The following GLI3 variants were observed in gnomAD, a reference collection of about 807,000 sequenced individuals.
GLI3 encodes the protein GLI family zinc finger 3.
In GLI3, 20 loss-of-function variants were observed where a neutral mutation model predicts 100.8. The ratio of observed to expected loss-of-function variants is 0.20; its 90% CI spans 0.14 to 0.29. The LOEUF (loss-of-function observed/expected upper bound fraction) is 0.29. GLI3 is among the 10% of genes least tolerant of loss of function. GLI3 has a pLI of 1.00. For missense variants in GLI3, 2,040 were observed against 2,128.5 expected (o/e 0.96, Z 0.82); for synonymous variants, 938 against 860.5 (o/e 1.09, Z -1.58).
chr7:41,966,129 C>G lies in GLI3; in HGVS notation c.2944G>C (p.Gly982Arg), dbSNP rs751382968. The change falls in exon 15 of 15, where the codon GGG becomes CGG. Residue 982 changes from glycine (G) to arginine (R), a missense_variant. Transcript: ENST00000395925. This position sits in a 1 kb window ranked among gnomAD's most constrained non-coding sequence, Gnocchi z 5.8. ...PVHAPRRCSDGGAHGYGRRHL... is the reference protein window; with the variant it reads ...PVHAPRRCSDRGAHGYGRRHL... Reference sequence around the variant, plus strand: ...CGCCGCCCGTAGCCGTGGGCTCCCCCGTCGCTGCACCTCCTCGGGGCATGA... The same window carrying G: ...CGCCGCCCGTAGCCGTGGGCTCCCCGGTCGCTGCACCTCCTCGGGGCATGA... 2.5e-6 allele frequency: 4 copies of G among 1,585,276 alleles called. No individual in the cohort carries two copies. Among genetic ancestry groups the G allele is most frequent in the Admixed American group, 1.7e-5 (1 of 57,766 alleles).
At chr7:42,250,877 A>G (rs1295798086) in intron 1 of GLI3, among the ~76,000 whole-genome samples, 1 of 152,154 alleles carries the variant, frequency 6.6e-6, no homozygotes, top group Non-Finnish European at 1.5e-5. Context: ...CTAAATACAC[A>G]TTAGAAAAGT....
intron 2 of GLI3, among the ~76,000 whole-genome samples, chr7:42,163,529 A>T (rs1173025283): frequency 1.3e-5 from 2 of 151,846 alleles, no homozygotes; most frequent in Non-Finnish European, 2.9e-5. Context: ...CCTGGGTTCA[A>T]GCGATTCTCC....
chr7:41,994,273 G>C (rs1381762321), intron 10 of GLI3, among the ~76,000 whole-genome samples: 1 of 152,182 alleles, frequency 6.6e-6, no homozygotes, highest in African/African-American at 2.4e-5. Flanking sequence ...TTTGCACAGA[G>C]ATTTCTTCCC....
At chr7:41,999,262 C>A (rs1788220215) in intron 10 of GLI3, among the ~76,000 whole-genome samples, 1 of 152,132 alleles carries the variant, frequency 6.6e-6, no homozygotes. Flanking sequence ...TCACTGTATG[C>A]ACAACAGCAG....
chr7:42,045,752 A>G (rs968634601), intron 5 of GLI3, among the ~76,000 whole-genome samples: 14 of 152,336 alleles, frequency 9.2e-5, no homozygotes, highest in Admixed American at 6.5e-5. Flanking sequence ...GAAATGCATT[A>G]CTAAGTTTTT....
intron 10 of GLI3, among the ~76,000 whole-genome samples, chr7:42,006,443 A>T (rs1364357756): frequency 4.6e-5 from 7 of 152,214 alleles, no homozygotes; most frequent in Admixed American, 4.6e-4. Flanking sequence ...ATTCTCTATG[A>T]AACCTGCCCT....
chr7:42,260,887 G>C (rs1789130752), intron 1 of GLI3, among the ~76,000 whole-genome samples: 1 of 152,034 alleles, frequency 6.6e-6, no homozygotes, highest in African/African-American at 2.4e-5. Context: ...TTTGGCTTGA[G>C]AAACTGGGTA....
chr7:41,970,875 G>T (rs990606858), intron 13 of GLI3, among the ~76,000 whole-genome samples: 1 of 152,138 alleles, frequency 6.6e-6, no homozygotes, highest in Non-Finnish European at 1.5e-5. Flanking sequence ...ATACAGGTAG[G>T]CTTTATTTTA....
At chr7:42,162,965 C>CTTTTTT (rs58993499) in intron 2 of GLI3, among the ~76,000 whole-genome samples, 2 of 95,576 alleles carry the variant, frequency 2.1e-5, no homozygotes, top group Non-Finnish European at 3.9e-5. Context: ...GAATAAACAC[C>CTTTTTT]TTTTTTTTTT....
At chr7:42,232,367 G>A (rs972521265) in intron 1 of GLI3, among the ~76,000 whole-genome samples, 7 of 152,182 alleles carry the variant, frequency 4.6e-5, no homozygotes, top group South Asian at 2.1e-4. Flanking sequence ...CCAGTCAAGC[G>A]GAAATCAGAG....
intron 10 of GLI3, among the ~76,000 whole-genome samples, chr7:41,997,116 T>A (rs1788146975): frequency 6.6e-6 from 1 of 152,172 alleles, no homozygotes; most frequent in Non-Finnish European, 1.5e-5. Flanking sequence ...CAGGGCTATA[T>A]AAAATATATT....
At chr7:42,108,328 G>A (rs1007384730) in intron 3 of GLI3, among the ~76,000 whole-genome samples, 1 of 152,144 alleles carries the variant, frequency 6.6e-6, no homozygotes, top group Non-Finnish European at 1.5e-5. Context: ...AAAATGATAT[G>A]TTATGCCTCC....
chr7:42,217,379 G>A (rs971423281), intron 2 of GLI3, among the ~76,000 whole-genome samples: 13 of 152,100 alleles, frequency 8.5e-5, no homozygotes, highest in Admixed American at 3.3e-4. Flanking sequence ...CAAGAGAGTC[G>A]GGGCTCTTAT....
upstream of GLI3, among the ~76,000 whole-genome samples, chr7:42,237,531 C>T (rs966626129): frequency 1.3e-5 from 2 of 151,984 alleles, no homozygotes; most frequent in Non-Finnish European, 2.9e-5. Flanking sequence ...GCTCCGCGCT[C>T]CCCTCCCGCG....
chr7:42,115,133 C>CT (rs56200386), intron 3 of GLI3, among the ~76,000 whole-genome samples: 26,371 of 99,726 alleles, frequency 0.26, 4,852 homozygotes, highest in Non-Finnish European at 0.3. Context: ...AATTTTCCTA[C>CT]TTTTTTTTTT....
chr7:42,088,724 G>C lies in GLI3; in HGVS notation c.368-11867C>G, dbSNP rs189775469. On this transcript the variant is annotated intron_variant, in intron 3 of 14. Transcript: ENST00000395925. ...TTGCCAGCGTTCTGTTTTAGGACTG[G>C]GGAGGATGATAGGCTTGGGGGTGTC... 2.1e-3 allele frequency among the ~76,000 whole-genome samples: 317 copies of C among 152,340 alleles called. 1 individual carries two copies. Among genetic ancestry groups the C allele is most frequent in the Middle Eastern group, 6.8e-3 (2 of 294 alleles).
intron 4 of GLI3, among the ~76,000 whole-genome samples, chr7:42,070,560 A>G (rs888394395): frequency 6.6e-6 from 1 of 152,240 alleles, no homozygotes; most frequent in African/African-American, 2.4e-5. Flanking sequence ...CAAGGTTTCC[A>G]TGTCTTTAAA....
At chr7:42,206,611 A>G (rs896989218) in intron 2 of GLI3, among the ~76,000 whole-genome samples, 1 of 152,184 alleles carries the variant, frequency 6.6e-6, no homozygotes, top group Non-Finnish European at 1.5e-5. Flanking sequence ...CCTCAAGTTC[A>G]GCTAGAAGAA....
At chr7:42,067,642 C>T (rs1784701726) in intron 4 of GLI3, among the ~76,000 whole-genome samples, 1 of 152,086 alleles carries the variant, frequency 6.6e-6, no homozygotes. Context: ...TTTACTGTGC[C>T]CAGTTAACCT....
Sources: allele counts gnomAD v4.1 joint callset (sites outside exome capture counted in the v4.1 genomes callset), GRCh38; gene constraint gnomAD v4.1.1; non-coding constraint Gnocchi (gnomAD v3.1); transcripts MANE v1.5; gene names NCBI Gene and HGNC (gene_info 2026-07-23, HGNC 2026-07-21).